ACVR1: variants seen among roughly 807,000 people sequenced by gnomAD.
The protein encoded by ACVR1 is activin receptor type-1.
Under a neutral mutation model 57.1 loss-of-function variants are expected in ACVR1, and 38 were observed. The observed-to-expected ratio is 0.67, with a 90% confidence interval of 0.51 to 0.87. ACVR1 has a LOEUF of 0.87. Among genes scored for constraint, ACVR1 ranks in the 40% least tolerant of loss-of-function variants. The probability of loss-of-function intolerance (pLI) is 0.00; values close to 1 mark genes in which losing one functional copy is unlikely to be tolerated. For missense variants in ACVR1, 463 were observed against 638.2 expected (o/e 0.73, Z 2.96); for synonymous variants, 212 against 228.1 (o/e 0.93, Z 0.63).
intron 1 of ACVR1, among the ~76,000 whole-genome samples, chr2:157,836,986 C>A (rs1360379358): frequency 6.6e-6 from 1 of 152,234 alleles, no homozygotes; most frequent in Non-Finnish European, 1.5e-5. Flanking sequence ...ACAGGAAGAA[C>A]AGACTTTGCA....
intron 1 of ACVR1, among the ~76,000 whole-genome samples, chr2:157,857,269 G>A (rs1374951072): frequency 6.6e-6 from 1 of 152,046 alleles, no homozygotes; most frequent in Non-Finnish European, 1.5e-5. Flanking sequence ...CAAAGGTAAT[G>A]TCAAGACAAT....
chr2:157,837,160 G>T (rs1688812026), intron 1 of ACVR1, among the ~76,000 whole-genome samples: 1 of 152,206 alleles, frequency 6.6e-6, no homozygotes, highest in South Asian at 2.1e-4. Context: ...ATGAATAAAA[G>T]TCAAAGTAAT....
chr2:157,812,722 G>C (rs1401582933), intron 2 of ACVR1, among the ~76,000 whole-genome samples: 1 of 152,092 alleles, frequency 6.6e-6, no homozygotes, highest in Non-Finnish European at 1.5e-5. Context: ...ATACACTTCT[G>C]AAATATCAAC....
At chr2:157,742,466 A>G (rs896866461) in intron 9 of ACVR1, among the ~76,000 whole-genome samples, 5 of 152,212 alleles carry the variant, frequency 3.3e-5, no homozygotes, top group Non-Finnish European at 7.3e-5. Context: ...CACGAGAAAG[A>G]AATAAAAAAC....
intron 7 of ACVR1, among the ~76,000 whole-genome samples, chr2:157,767,495 C>T (rs1023541926): frequency 3.3e-5 from 5 of 151,836 alleles, no homozygotes; most frequent in Admixed American, 1.3e-4. Flanking sequence ...ATATGAACCA[C>T]GCTGGTAGAC....
chr2:157,794,628 T>G (rs911240441), intron 3 of ACVR1, among the ~76,000 whole-genome samples: 1 of 152,196 alleles, frequency 6.6e-6, no homozygotes, highest in African/African-American at 2.4e-5. Flanking sequence ...GCAAGAGCTT[T>G]AACTAATCCA....
chr2:157,830,495 A>G (rs1008302918), intron 1 of ACVR1, among the ~76,000 whole-genome samples: 8 of 152,184 alleles, frequency 5.3e-5, no homozygotes, highest in Admixed American at 5.2e-4. Flanking sequence ...ATTTCATACA[A>G]AAAGACAATG....
At chr2:157,865,821 A>AGAAAAAAGATAGAT (rs762418239) in intron 1 of ACVR1, among the ~76,000 whole-genome samples, 46 of 137,030 alleles carry the variant, frequency 3.4e-4, no homozygotes, top group African/African-American at 1.1e-3. Flanking sequence ...AAAAAGAAAA[A>AGAAAAAAGATAGAT]AGATAGATAG....
Position 157,736,688 on chromosome 2 carries a change from G to GA in ACVR1, c.*842dup, listed in dbSNP as rs549730791. 9.1e-6 allele frequency: 3 copies of GA among 330,080 alleles called. No homozygotes were observed. Among genetic ancestry groups the GA allele is most frequent in the Non-Finnish European group, 1.1e-5 (2 of 179,104 alleles). The allele number at this position is 330,080 out of a possible 1,614,324, so 20.4% of individuals were successfully genotyped here. On this transcript the variant is annotated 3_prime_UTR_variant, in exon 11 of 11. Transcript: ENST00000434821. ...GCTAAATACGTTCTGCATATGAACT[G>GA]AAAAAAAGTTACAGTCTACACACAT...
chr2:157,785,769 T>C (rs1038399690), intron 3 of ACVR1, among the ~76,000 whole-genome samples: 5 of 152,182 alleles, frequency 3.3e-5, no homozygotes, highest in Non-Finnish European at 1.5e-5. Flanking sequence ...TGCATATAAA[T>C]TGAATATCAA....
chr2:157,859,931 C>T (rs1463621980), intron 1 of ACVR1: 1 of 151,850 alleles, frequency 6.6e-6, no homozygotes, highest in Non-Finnish European at 1.5e-5. Context: ...CTCAAGACTA[C>T]ATTTCCACAG....
At chr2:157,786,472 C>T (rs1394644048) in intron 3 of ACVR1, among the ~76,000 whole-genome samples, 2 of 152,174 alleles carry the variant, frequency 1.3e-5, no homozygotes, top group Non-Finnish European at 2.9e-5. Flanking sequence ...CAGCACAGAT[C>T]TTAAGGCAGG....
At chr2:157,819,806 G>A (rs1015173120) in intron 1 of ACVR1, among the ~76,000 whole-genome samples, 1 of 152,108 alleles carries the variant, frequency 6.6e-6, no homozygotes, top group Non-Finnish European at 1.5e-5. Context: ...CCTTTAGGAA[G>A]ACTTGAAAAA....
chr2:157,841,902 C>T (rs1688990896), intron 1 of ACVR1, among the ~76,000 whole-genome samples: 1 of 151,478 alleles, frequency 6.6e-6, no homozygotes, highest in African/African-American at 2.4e-5. Flanking sequence ...TGGCAGGCGC[C>T]TGTAGGGTCA....
At chr2:157,744,573 G>A (rs1229037549) in intron 9 of ACVR1, among the ~76,000 whole-genome samples, 1 of 152,198 alleles carries the variant, frequency 6.6e-6, no homozygotes, top group African/African-American at 2.4e-5. Flanking sequence ...AAAAGATTCT[G>A]TAAATGATGG....
At chr2:157,785,881 C>T (rs981318141) in intron 3 of ACVR1, among the ~76,000 whole-genome samples, 3 of 152,196 alleles carry the variant, frequency 2.0e-5, no homozygotes, top group African/African-American at 7.2e-5. Context: ...ACAAGCCTGA[C>T]TCTCTCGGGC....
At chr2:157,764,279 T>G (rs1247981457) in intron 8 of ACVR1, among the ~76,000 whole-genome samples, 1 of 151,854 alleles carries the variant, frequency 6.6e-6, no homozygotes, top group Non-Finnish European at 1.5e-5. Flanking sequence ...GCCTCCTGGG[T>G]TCAAGCAATT....
intron 1 of ACVR1, among the ~76,000 whole-genome samples, chr2:157,866,674 C>A (rs1689949082): frequency 6.6e-6 from 1 of 152,160 alleles, no homozygotes; most frequent in Non-Finnish European, 1.5e-5. Context: ...ACATAAGATA[C>A]AGGTGTCACC....
intron 1 of ACVR1, chr2:157,819,625 C>T (rs920622456): frequency 6.6e-6 from 1 of 152,216 alleles, no homozygotes; most frequent in East Asian, 1.9e-4. Context: ...TGTATATCCA[C>T]TCAAATATAT....
Sources: allele counts gnomAD v4.1 joint callset (sites outside exome capture counted in the v4.1 genomes callset), GRCh38; gene constraint gnomAD v4.1.1; transcripts MANE v1.5; gene names NCBI Gene and HGNC (gene_info 2026-07-23, HGNC 2026-07-21).